Variants in CADM1 observed in about 807,000 individuals in gnomAD.
CADM1 encodes the protein TSLC-1.
A neutral mutation model predicts 53.1 loss-of-function variants in CADM1; 15 were observed. That is an observed-to-expected ratio of 0.28 (90% CI 0.19 to 0.44). The LOEUF is 0.44. Among genes scored for constraint, CADM1 ranks in the 20% least tolerant of loss-of-function variants. CADM1 has a pLI of 1.00. For missense variants in CADM1, 434 were observed against 611.3 expected, an observed-to-expected ratio of 0.71 and a Z score of 3.06; for synonymous variants, 281 against 243.0, an observed-to-expected ratio of 1.16 and a Z score of -1.45.
intron 3 of CADM1, among the ~76,000 whole-genome samples, chr11:115,237,295 G>A (rs1034572322): frequency 2.0e-5 from 3 of 152,274 alleles, no homozygotes; most frequent in African/African-American, 4.8e-5. Context: ...ATATGAATAC[G>A]TGAAAGCCAT....
chr11:115,192,185 G>T (rs1006451695), intron 9 of CADM1, among the ~76,000 whole-genome samples: 1 of 152,226 alleles, frequency 6.6e-6, no homozygotes, highest in Non-Finnish European at 1.5e-5. Context: ...TTTGTAAGTT[G>T]CTTTATAGAG....
At chr11:115,481,636 C>G (rs1949259088) in intron 1 of CADM1, among the ~76,000 whole-genome samples, 1 of 152,158 alleles carries the variant, frequency 6.6e-6, no homozygotes, top group African/African-American at 2.4e-5. Flanking sequence ...TCTTTAATCC[C>G]AACACTGTCT....
At chr11:115,321,396 T>C (rs1235685259) in intron 1 of CADM1, among the ~76,000 whole-genome samples, 2 of 152,202 alleles carry the variant, frequency 1.3e-5, no homozygotes, top group Non-Finnish European at 2.9e-5. Context: ...CTAGGCCCTC[T>C]GTAGTGACTA....
At chr11:115,183,505 C>G (rs1259424732) in intron 10 of CADM1, among the ~76,000 whole-genome samples, 1 of 152,178 alleles carries the variant, frequency 6.6e-6, no homozygotes, top group Non-Finnish European at 1.5e-5. Flanking sequence ...GGCAGAAGGA[C>G]TCACTGAGCA....
chr11:115,434,342 C>T (rs1036624726), intron 1 of CADM1, among the ~76,000 whole-genome samples: 5 of 152,204 alleles, frequency 3.3e-5, no homozygotes, highest in Non-Finnish European at 5.9e-5. Context: ...CCCAACCCTC[C>T]CCTTTTGCTA....
intron 1 of CADM1, among the ~76,000 whole-genome samples, chr11:115,428,577 A>G (rs1947957311): frequency 6.6e-6 from 1 of 152,132 alleles, no homozygotes; most frequent in Non-Finnish European, 1.5e-5. Flanking sequence ...TATTCCCCAA[A>G]TCAATATGTT....
chr11:115,363,020 T>C (rs1178120782), intron 1 of CADM1, among the ~76,000 whole-genome samples: 2 of 152,308 alleles, frequency 1.3e-5, no homozygotes, highest in Admixed American at 1.3e-4. Flanking sequence ...GTTTATCTCA[T>C]TCACCAATTT....
chr11:115,472,692 C>A (rs998997822), intron 1 of CADM1, among the ~76,000 whole-genome samples: 11 of 152,192 alleles, frequency 7.2e-5, no homozygotes, highest in Admixed American at 6.5e-5. Flanking sequence ...TCACTCTTAG[C>A]CCATCTGTGT....
At chr11:115,503,582 C>G (rs1949781698) in intron 1 of CADM1, among the ~76,000 whole-genome samples, 2 of 151,908 alleles carry the variant, frequency 1.3e-5, no homozygotes, top group Non-Finnish European at 2.9e-5. Flanking sequence ...GGGGCCGGGC[C>G]GGGGAACTTT....
At chr11:115,403,893 G>A (rs1164137402) in intron 1 of CADM1, among the ~76,000 whole-genome samples, 13 of 151,348 alleles carry the variant, frequency 8.6e-5, no homozygotes, top group African/African-American at 2.7e-4. Context: ...CATTGTGCCC[G>A]GCCTGAAATT....
intron 10 of CADM1, among the ~76,000 whole-genome samples, chr11:115,187,561 C>A (rs987900856): frequency 2.0e-5 from 3 of 152,152 alleles, no homozygotes; most frequent in Non-Finnish European, 4.4e-5. Context: ...TGCTCCCCCG[C>A]CCCCAAGTAG....
chr11:115,369,026 TAAAAAAA>T (rs552309443), intron 1 of CADM1, among the ~76,000 whole-genome samples: 16 of 44,746 alleles, frequency 3.6e-4, no homozygotes, highest in East Asian at 2.3e-3. Context: ...AAAAAAAATC[TAAAAAAA>T]AAAAAAAAAA....
intron 1 of CADM1, among the ~76,000 whole-genome samples, chr11:115,331,036 C>T (rs1945116227): frequency 6.6e-6 from 1 of 152,030 alleles, no homozygotes; most frequent in South Asian, 2.1e-4. Context: ...GGTTGGGGGG[C>T]CTGGTGAAGA....
intron 1 of CADM1, 90 bp from the exon 2 acceptor site, chr11:115,240,510 T>G: frequency 7.3e-7 from 1 of 1,366,854 alleles, no homozygotes; most frequent in Non-Finnish European, 1.0e-6. Flanking sequence ...CTAGGCATAT[T>G]AGAAAATGAA....
At chr11:115,435,953 C>T (rs748345462) in intron 1 of CADM1, among the ~76,000 whole-genome samples, 12 of 152,104 alleles carry the variant, frequency 7.9e-5, no homozygotes, top group Admixed American at 2.6e-4. Flanking sequence ...TAGCACACGA[C>T]GGTAAACATC....
rs567538583 is a variant in CADM1 at position 115,272,788 on chromosome 11, C to T, written c.125-32368G>A. On this transcript the variant is annotated intron_variant, in intron 1 of 11. Coordinates refer to ENST00000331581, the MANE Select transcript of CADM1 (RefSeq NM_001301043.2). ...GGGGGAGGGATAGCATTGGGAGATA[C>T]ACCTAATGCTAGATGACGAGTTAGT... Among the ~76,000 whole-genome samples, 1,049 of 150,624 alleles carry T rather than the reference C, an allele frequency of 7.0e-3. 11 individuals are homozygous for T. Among genetic ancestry groups the T allele is most frequent in the African/African-American group, 0.025 (1,006 of 41,036 alleles).
chr11:115,422,747 A>G (rs1308649736), intron 1 of CADM1, among the ~76,000 whole-genome samples: 1 of 152,218 alleles, frequency 6.6e-6, no homozygotes, highest in Non-Finnish European at 1.5e-5. Context: ...GATCTTTAAC[A>G]TTAAATATTT....
chr11:115,385,159 C>CTTTA (rs10684841), intron 1 of CADM1, among the ~76,000 whole-genome samples: 53,123 of 145,592 alleles, frequency 0.36, 10,002 homozygotes, highest in Non-Finnish European at 0.43. Context: ...GCTGAACAGC[C>CTTTA]TTTATTTGTA....
chr11:115,229,427 G>A (rs543364834), intron 4 of CADM1, among the ~76,000 whole-genome samples, 156 bp from the exon 5 acceptor site: 1 of 152,306 alleles, frequency 6.6e-6, no homozygotes, highest in East Asian at 1.9e-4. Flanking sequence ...ATAGTTACCT[G>A]ATAAAGTTTT....
Sources: allele counts gnomAD v4.1 joint callset (sites outside exome capture counted in the v4.1 genomes callset), GRCh38; gene constraint gnomAD v4.1.1; transcripts MANE v1.5; gene names NCBI Gene and HGNC (gene_info 2026-07-23, HGNC 2026-07-21).